The following NMNAT3 variants were observed in gnomAD, a reference collection of about 807,000 sequenced individuals.
NMNAT3 encodes nicotinamide/nicotinic acid mononucleotide adenylyltransferase 3.
Under a neutral mutation model 24.8 loss-of-function variants are expected in NMNAT3, and 21 were observed. The observed-to-expected ratio is 0.85, with a 90% CI of 0.60 to 1.22. NMNAT3 has a LOEUF of 1.22. Among genes scored for constraint, NMNAT3 ranks in the 50% most tolerant of loss-of-function variants. The pLI, the probability that NMNAT3 is intolerant of heterozygous loss-of-function variation, is 0.00. For missense variants in NMNAT3, 387 were observed against 436.6 expected (o/e 0.89, Z 1.01); for synonymous variants, 136 against 155.2 (o/e 0.88, Z 0.92).
At chr3:139,570,213 T>C (rs986129473) in intron 6 of NMNAT3, 1 of 152,266 alleles carries the variant, frequency 6.6e-6, no homozygotes, top group African/African-American at 2.4e-5. Flanking sequence ...TAAGGACTTC[T>C]GTGCATTGGT....
chr3:139,596,112 G>A (rs751257919), intron 3 of NMNAT3, among the ~76,000 whole-genome samples: 11 of 152,148 alleles, frequency 7.2e-5, no homozygotes, highest in South Asian at 2.1e-4. Context: ...GTCCCTTTTC[G>A]TATGACCTAT....
chr3:139,602,869 C>A (rs893805711), intron 3 of NMNAT3, among the ~76,000 whole-genome samples: 1 of 152,116 alleles, frequency 6.6e-6, no homozygotes, highest in African/African-American at 2.4e-5. Flanking sequence ...TAATGGATTC[C>A]TTGTACACAA....
intron 1 of NMNAT3, among the ~76,000 whole-genome samples, chr3:139,667,522 G>A (rs995981988): frequency 6.6e-6 from 1 of 152,106 alleles, no homozygotes; most frequent in Non-Finnish European, 1.5e-5. Context: ...TTGTCAGATG[G>A]ACAGTTTGCA....
chr3:139,599,758 C>T (rs2054630572), intron 3 of NMNAT3, among the ~76,000 whole-genome samples: 1 of 151,928 alleles, frequency 6.6e-6, no homozygotes, highest in Non-Finnish European at 1.5e-5. Flanking sequence ...TTTTTTGTTT[C>T]TCCAGAGAGC....
chr3:139,621,145 C>T (rs879328212), intron 3 of NMNAT3, among the ~76,000 whole-genome samples: 1 of 152,170 alleles, frequency 6.6e-6, no homozygotes, highest in Admixed American at 6.5e-5. Flanking sequence ...TACATCCCCA[C>T]CAACAGTGTA....
At chr3:139,621,622 T>G (rs2055778774) in intron 3 of NMNAT3, among the ~76,000 whole-genome samples, 1 of 152,240 alleles carries the variant, frequency 6.6e-6, no homozygotes, top group African/African-American at 2.4e-5. Context: ...TCCACCCACC[T>G]TGGCCTCCCA....
chr3:139,650,042 G>T (rs2057005094), intron 1 of NMNAT3, among the ~76,000 whole-genome samples: 1 of 152,166 alleles, frequency 6.6e-6, no homozygotes, highest in African/African-American at 2.4e-5. Flanking sequence ...ACAAAAGCAA[G>T]GGCATGGGGT....
intron 5 of NMNAT3, among the ~76,000 whole-genome samples, chr3:139,578,607 T>G (rs1399442064): frequency 1.3e-5 from 2 of 152,198 alleles, no homozygotes; most frequent in African/African-American, 4.8e-5. Flanking sequence ...TAGACCCCAG[T>G]GCTACCGTCA....
intron 2 of NMNAT3, chr3:139,635,598 A>C (rs2056471139): frequency 6.7e-6 from 1 of 150,116 alleles, no homozygotes; most frequent in Non-Finnish European, 1.5e-5. Context: ...CAAATAGCAG[A>C]AAATTAAAAA....
intron 3 of NMNAT3, among the ~76,000 whole-genome samples, chr3:139,608,611 A>G (rs1387406791): frequency 3.3e-5 from 5 of 152,206 alleles, no homozygotes; most frequent in Non-Finnish European, 7.3e-5. Context: ...ATAATACAGA[A>G]TTATCCCGTG....
intron 1 of NMNAT3, among the ~76,000 whole-genome samples, chr3:139,676,958 T>C (rs7651551): frequency 0.39 from 58,995 of 151,998 alleles, 11,698 homozygotes; most frequent in Non-Finnish European, 0.43. Context: ...CCATTTCCAT[T>C]CTCAATGGGT....
chr3:139,604,221 A>C (rs2054839553), intron 3 of NMNAT3, among the ~76,000 whole-genome samples: 1 of 152,234 alleles, frequency 6.6e-6, no homozygotes, highest in Non-Finnish European at 1.5e-5. Flanking sequence ...GGTGCAAGCC[A>C]CGTAGCAACT....
At chr3:139,654,140 G>A (rs932142144) in intron 1 of NMNAT3, among the ~76,000 whole-genome samples, 2 of 152,182 alleles carry the variant, frequency 1.3e-5, no homozygotes, top group African/African-American at 4.8e-5. Context: ...CTTCCCTGTG[G>A]ATAGGAGCAT....
At chr3:139,607,905 C>G (rs1206745572) in intron 3 of NMNAT3, among the ~76,000 whole-genome samples, 2 of 152,044 alleles carry the variant, frequency 1.3e-5, no homozygotes, top group East Asian at 3.8e-4. Context: ...CATAAATTTC[C>G]CCAAGGCCTA....
At chr3:139,606,514 G>C (rs57067865) in intron 3 of NMNAT3, among the ~76,000 whole-genome samples, 5,522 of 152,200 alleles carry the variant, frequency 0.036, 310 homozygotes, top group African/African-American at 0.12. Context: ...ACATAAGTTA[G>C]TATTTCCCCC....
chr3:139,576,798 T>G (rs1435568029), intron 5 of NMNAT3, among the ~76,000 whole-genome samples: 1 of 152,136 alleles, frequency 6.6e-6, no homozygotes, highest in Non-Finnish European at 1.5e-5. Context: ...GACTCATGCC[T>G]GTAATCCCAG....
chr3:139,561,331 G>A lies in NMNAT3; in HGVS notation c.720C>T (p.Asn240=). 1 of 1,613,966 alleles carries A rather than the reference G, an allele frequency of 6.2e-7. No individual in the cohort carries two copies. The highest frequency in any genetic ancestry group is 2.2e-5 in the East Asian group (1 of 44,876). The stretch of plus-strand genomic sequence containing the variant: ...CCTGGATGTGCGCATCCTTCCAGAG[G>A]TTGGGGGTCTGGAAGGTCTTCAAGA... The change falls in exon 7 of 7, where the codon AAC becomes AAT. Residue 240 remains asparagine, a synonymous_variant. Coordinates refer to ENST00000643695, the MANE Select transcript of NMNAT3 (RefSeq NM_001320510.2).
chr3:139,562,436 CT>C (rs1936547412), intron 6 of NMNAT3, among the ~76,000 whole-genome samples: 1 of 152,196 alleles, frequency 6.6e-6, no homozygotes, highest in Admixed American at 6.5e-5. Context: ...GCTGCAGGGT[CT>C]CTGATTCTTC....
chr3:139,571,977 C>A, intron 6 of NMNAT3: 1 of 395,782 alleles, frequency 2.5e-6, no homozygotes, highest in Non-Finnish European at 4.4e-6. Context: ...CTATCTCCTG[C>A]CCTTGTGCTT....
Sources: allele counts gnomAD v4.1 joint callset (sites outside exome capture counted in the v4.1 genomes callset), GRCh38; gene constraint gnomAD v4.1.1; transcripts MANE v1.5; gene names NCBI Gene and HGNC (gene_info 2026-07-23, HGNC 2026-07-21).